Variants in AHCY observed in about 807,000 individuals in gnomAD.
The protein encoded by AHCY is adenosylhomocysteinase.
In AHCY, 24 loss-of-function variants were observed where a neutral mutation model predicts 45.4. The observed-to-expected ratio is 0.53, with a 90% CI of 0.38 to 0.74. AHCY has a LOEUF of 0.74. AHCY is among the 30% of genes least tolerant of loss of function. The pLI, the probability that AHCY is intolerant of heterozygous loss-of-function variation, is 0.00. For synonymous variants in AHCY, 245 were observed against 235.1 expected (o/e 1.04, Z -0.39); for missense variants, 449 against 594.1 (o/e 0.76, Z 2.54).
the AHCY span, among the ~76,000 whole-genome samples, chr20:34,249,817 C>A: frequency 6.6e-6 from 1 of 152,292 alleles, no homozygotes; most frequent in East Asian, 1.9e-4. Context: ...GGCCAGAGAA[C>A]CCATTATGGA....
intron 8 of AHCY, among the ~76,000 whole-genome samples, chr20:34,287,295 G>A (rs2036218737): frequency 2.6e-5 from 4 of 152,114 alleles, no homozygotes; most frequent in Admixed American, 1.3e-4. Context: ...AGCCAGTGAT[G>A]GATGCTGCAC....
At chr20:34,279,862 G>A (rs527586892), downstream of AHCY, among the ~76,000 whole-genome samples, 1 of 152,008 alleles carries the variant, frequency 6.6e-6, no homozygotes, top group African/African-American at 2.4e-5. Flanking sequence ...AGTGGCTCAC[G>A]CCTATAATCC....
At chr20:34,244,052 G>A in the AHCY span, among the ~76,000 whole-genome samples, 3 of 152,158 alleles carry the variant, frequency 2.0e-5, no homozygotes, top group Non-Finnish European at 4.4e-5. Flanking sequence ...GCGACAGAGT[G>A]AGACTCCATC....
At chr20:34,258,690 T>TATATATATATATATATATATATAC in the AHCY span, among the ~76,000 whole-genome samples, 175 of 72,290 alleles carry the variant, frequency 2.4e-3, 15 homozygotes, top group Non-Finnish European at 3.5e-3. Context: ...TATATATATA[T>TATATATATATATATATATATATAC]ACATACTATA....
At chr20:34,232,652 G>C in the AHCY span, among the ~76,000 whole-genome samples, 2 of 152,252 alleles carry the variant, frequency 1.3e-5, no homozygotes, top group South Asian at 4.2e-4. Context: ...CATAACCAAG[G>C]CCACTCAGGC....
chr20:34,305,644 A>G (rs895769745), upstream of AHCY, among the ~76,000 whole-genome samples: 1 of 152,230 alleles, frequency 6.6e-6, no homozygotes. Context: ...CAAGTTCCAG[A>G]TACTGTGAAA....
the AHCY span, chr20:34,268,900 G>C: frequency 2.0e-6 from 3 of 1,485,982 alleles, no homozygotes; most frequent in South Asian, 1.2e-5. Context: ...TCTGGTCCGG[G>C]ATCTCCCTAG....
Position 34,282,979 on chromosome 20 carries a change from T to C in AHCY, c.1168-1814A>G, listed in dbSNP as rs560601542. ...GAGCCTCCCAAACACCCTTAAGAAG[T>C]AGGATGGGTGCGGTTTATCCTTGTA... On this transcript the variant is annotated intron_variant, in intron 9 of 9. Transcript: ENST00000217426. Among the ~76,000 whole-genome samples the C allele has an allele frequency of 9.1e-4, 139 of 152,206 alleles. 1 individual carries two copies. In the South Asian group the frequency reaches 0.01, roughly 11 times the overall value.
At chr20:34,276,618 T>G (rs2035912325), downstream of AHCY, among the ~76,000 whole-genome samples, 1 of 152,074 alleles carries the variant, frequency 6.6e-6, no homozygotes, top group Non-Finnish European at 1.5e-5. Context: ...TTTAGAACCC[T>G]TGCAAGGTTG....
At chr20:34,309,869 G>T in intron 1 of AHCY, among the ~76,000 whole-genome samples, 1 of 150,976 alleles carries the variant, frequency 6.6e-6, no homozygotes, top group Non-Finnish European at 1.5e-5. Flanking sequence ...AAGGAGGGAG[G>T]GAGAAAAGGA....
At chr20:34,275,511 T>C (rs2035903537), downstream of AHCY, among the ~76,000 whole-genome samples, 1 of 152,100 alleles carries the variant, frequency 6.6e-6, no homozygotes, top group South Asian at 2.1e-4. Context: ...CTCAGAATTG[T>C]CAGACAGCAA....
intron 9 of AHCY, among the ~76,000 whole-genome samples, chr20:34,282,373 G>A (rs756303213): frequency 1.6e-4 from 25 of 152,224 alleles, no homozygotes; most frequent in Non-Finnish European, 2.6e-4. Context: ...TGCAGCCCTG[G>A]CAGAAATCTT....
At position 34,302,223 on chromosome 20, in the gene AHCY, A is replaced by G. The variant is rs183931190; in HGVS notation, c.28+1020T>C. On this transcript the variant is annotated intron_variant, in intron 1 of 9. Coordinates refer to ENST00000217426, the MANE Select transcript of AHCY (RefSeq NM_000687.4). The stretch of plus-strand genomic sequence containing the variant: ...ACCACGTTGGCCAGGCTGGTCTCGA[A>G]CTCTTGACCTCAAGTGATTCGCCCA... 15 of 156,870 alleles carry G rather than the reference A, an allele frequency of 9.6e-5. 1 individual carries two copies. In the Admixed American group the frequency reaches 9.8e-4, roughly 10 times the overall value. 9.7% of individuals were successfully genotyped at this position (156,870 alleles called of 1,614,324 possible). A position where few individuals can be genotyped will look rare whatever the true frequency, so the allele number is the denominator to read the frequency against.
chr20:34,296,095 T>C (rs1037138710), intron 1 of AHCY, among the ~76,000 whole-genome samples: 9 of 152,204 alleles, frequency 5.9e-5, no homozygotes, highest in African/African-American at 2.2e-4. Context: ...ACTCCTGATG[T>C]TTCTTTCCAC....
the AHCY span, among the ~76,000 whole-genome samples, chr20:34,258,700 A>ATATATATACACACATAC: frequency 1.9e-4 from 15 of 77,922 alleles, 1 homozygote; most frequent in South Asian, 4.4e-4. Flanking sequence ...TACATACTAT[A>ATATATATACACACATAC]TATATATATT....
chr20:34,290,835 T>C lies in AHCY; in HGVS notation c.662A>G (p.Tyr221Cys), dbSNP rs765720284. ...IAGKVAVVAGYGDVGKGCAQA... is the reference protein window; with the variant it reads ...IAGKVAVVAGCGDVGKGCAQA... ...GGCACAGCCCTTGCCCACATCACCA[T>C]AGCCTGCTACCACCGCTACCTTGCC... Residue 221 changes from tyrosine (Y) to cysteine (C), a missense_variant, in exon 6 of 10, where the codon TAT (tyrosine) becomes TGT (cysteine). Tyr to Cys is a radical substitution (Grantham distance 194). Transcript: ENST00000217426. The surrounding 1 kb of genome is among the most constrained non-coding windows in gnomAD (Gnocchi z 4.5). The C allele has an allele frequency of 3.7e-6, 6 of 1,614,026 alleles. No homozygotes were observed. The highest frequency in any genetic ancestry group is 2.2e-5 in the East Asian group (1 of 44,874).
chr20:34,267,696 TA>T, the AHCY span, among the ~76,000 whole-genome samples: 1 of 152,068 alleles, frequency 6.6e-6, no homozygotes, highest in Admixed American at 6.6e-5. Flanking sequence ...CATGCTGGGC[TA>T]ATTTTTGTAT....
chr20:34,232,632 C>A, the AHCY span, among the ~76,000 whole-genome samples: 1 of 152,176 alleles, frequency 6.6e-6, no homozygotes, highest in Non-Finnish European at 1.5e-5. Flanking sequence ...GTCGTAATCA[C>A]CATACATAGC....
downstream of AHCY, among the ~76,000 whole-genome samples, chr20:34,276,601 G>C (rs1383031656): frequency 6.6e-6 from 1 of 152,008 alleles, no homozygotes; most frequent in Non-Finnish European, 1.5e-5. Context: ...CCCAGCACCC[G>C]GGGGTCTTTA....
Sources: allele counts gnomAD v4.1 joint callset (sites outside exome capture counted in the v4.1 genomes callset), GRCh38; gene constraint gnomAD v4.1.1; non-coding constraint Gnocchi (gnomAD v3.1); transcripts MANE v1.5; gene names NCBI Gene and HGNC (gene_info 2026-07-23, HGNC 2026-07-21).